STK33: variants seen among roughly 807,000 people sequenced by gnomAD.
STK33 encodes serine/threonine kinase 33.
Under a neutral mutation model 58.0 loss-of-function variants are expected in STK33, and 52 were observed. That is an observed-to-expected ratio of 0.90 (90% confidence interval 0.72 to 1.13). The LOEUF is 1.13. Ranked by LOEUF, STK33 falls within the 50% of genes most tolerant of loss-of-function variation. The pLI, the probability that STK33 is intolerant of heterozygous loss-of-function variation, is 0.00. For synonymous variants in STK33, 215 were observed against 200.1 expected, an observed-to-expected ratio of 1.07 and a Z score of -0.63; for missense variants, 630 against 604.2, an observed-to-expected ratio of 1.04 and a Z score of -0.45.
the STK33 span, among the ~76,000 whole-genome samples, chr11:8,370,914 T>C: frequency 6.6e-6 from 1 of 152,108 alleles, no homozygotes; most frequent in South Asian, 2.1e-4. Context: ...ATGAAGAGGA[T>C]AGTGATGAGT....
At chr11:8,390,195 A>G (rs1848600357), downstream of STK33, among the ~76,000 whole-genome samples, 1 of 151,942 alleles carries the variant, frequency 6.6e-6, no homozygotes, top group South Asian at 2.1e-4. Flanking sequence ...TCTTTTTATC[A>G]TATTTTGCCT....
chr11:8,583,887 G>A (rs1008193204), intron 1 of STK33, among the ~76,000 whole-genome samples: 8 of 152,104 alleles, frequency 5.3e-5, no homozygotes, highest in Non-Finnish European at 2.9e-5. Context: ...AAATTAGTCT[G>A]TAAAACAGAG....
At position 8,449,236 on chromosome 11, in the gene STK33, T is replaced by G. The variant is rs981716664; in HGVS notation, c.871+3586A>C. Among the ~76,000 whole-genome samples the G allele has an allele frequency of 1.5e-3, 235 of 151,636 alleles. 9 individuals are homozygous for G. Among genetic ancestry groups the G allele is most frequent in the African/African-American group, 5.5e-3 (225 of 40,980 alleles). On this transcript the variant is annotated intron_variant, in intron 11 of 15. Transcript: ENST00000687296. ...GGAAGACAGTGTGGCGATTCCTCAG[T>G]GATCTAGAACTAGAAATACCATTTG...
the STK33 span, among the ~76,000 whole-genome samples, chr11:8,371,700 T>G: frequency 6.7e-6 from 1 of 148,978 alleles, no homozygotes; most frequent in Non-Finnish European, 1.5e-5. Flanking sequence ...TCTTTCCCCT[T>G]TCTTCCTTTC....
the STK33 span, among the ~76,000 whole-genome samples, chr11:8,357,079 C>T: frequency 2.0e-5 from 3 of 152,246 alleles, no homozygotes; most frequent in African/African-American, 2.4e-5. Flanking sequence ...TCCCGGCCTG[C>T]CCTCTTCCCT....
At chr11:8,388,681 C>T (rs536935497), downstream of STK33, among the ~76,000 whole-genome samples, 1 of 152,280 alleles carries the variant, frequency 6.6e-6, no homozygotes, top group South Asian at 2.1e-4. Flanking sequence ...CCTGGAAGCC[C>T]CTTCCCTGGT....
chr11:8,517,647 G>T (rs945607885), intron 1 of STK33, among the ~76,000 whole-genome samples: 1 of 152,200 alleles, frequency 6.6e-6, no homozygotes, highest in Non-Finnish European at 1.5e-5. Context: ...GTCCTTAAAT[G>T]ACCTGATGGA....
At chr11:8,405,913 T>C (rs975485239) in intron 15 of STK33, among the ~76,000 whole-genome samples, 3 of 151,874 alleles carry the variant, frequency 2.0e-5, no homozygotes, top group African/African-American at 7.3e-5. Flanking sequence ...GAGGCCGAGG[T>C]GGGCGGATCA....
At chr11:8,447,537 A>C (rs1432405880) in intron 11 of STK33, among the ~76,000 whole-genome samples, 3 of 152,240 alleles carry the variant, frequency 2.0e-5, no homozygotes, top group Non-Finnish European at 4.4e-5. Flanking sequence ...GACAAAAACC[A>C]TATGATTATC....
chr11:8,567,104 C>T (rs967770162), intron 1 of STK33: 2 of 152,088 alleles, frequency 1.3e-5, no homozygotes, highest in African/African-American at 2.4e-5. Flanking sequence ...CGAGCCATTG[C>T]ATTCCAGCCT....
chr11:8,405,095 C>T (rs1030231754), intron 15 of STK33, among the ~76,000 whole-genome samples: 1 of 152,122 alleles, frequency 6.6e-6, no homozygotes, highest in Non-Finnish European at 1.5e-5. Flanking sequence ...GAGATTGCGC[C>T]ATTGCAATCC....
the STK33 span, among the ~76,000 whole-genome samples, chr11:8,382,431 T>A: frequency 6.6e-6 from 1 of 152,232 alleles, no homozygotes; most frequent in Admixed American, 6.5e-5. Flanking sequence ...CAAGGACATG[T>A]GTGAACACTC....
intron 14 of STK33, among the ~76,000 whole-genome samples, chr11:8,418,901 G>C (rs1472272739): frequency 6.6e-6 from 1 of 152,034 alleles, no homozygotes; most frequent in African/African-American, 2.4e-5. Context: ...ATCTTGAAAA[G>C]CGTCATCTGT....
chr11:8,565,779 TA>T (rs1957407513), intron 1 of STK33: 1 of 152,218 alleles, frequency 6.6e-6, no homozygotes, highest in Non-Finnish European at 1.5e-5. Flanking sequence ...CTTGCTTACC[TA>T]GAACCCAAAT....
chr11:8,450,568 T>C (rs1305286634), intron 11 of STK33, among the ~76,000 whole-genome samples: 1 of 151,998 alleles, frequency 6.6e-6, no homozygotes. Flanking sequence ...TAAAAAAAAG[T>C]TCATGATCAT....
At chr11:8,540,463 G>C (rs1955418404) in intron 1 of STK33, among the ~76,000 whole-genome samples, 1 of 151,964 alleles carries the variant, frequency 6.6e-6, no homozygotes, top group Admixed American at 6.6e-5. Context: ...GGGTGACAGA[G>C]CAAGACCCAG....
At chr11:8,419,076 T>A (rs1181455861) in intron 14 of STK33, among the ~76,000 whole-genome samples, 2 of 152,232 alleles carry the variant, frequency 1.3e-5, no homozygotes, top group Non-Finnish European at 2.9e-5. Context: ...ACAGAAGCTC[T>A]TTAGTTTAAT....
chr11:8,366,814 C>G, the STK33 span, among the ~76,000 whole-genome samples: 1 of 152,226 alleles, frequency 6.6e-6, no homozygotes, highest in Admixed American at 6.5e-5. Flanking sequence ...ATTAATTCCC[C>G]ATCTGTGGGT....
the STK33 span, among the ~76,000 whole-genome samples, chr11:8,367,368 C>T: frequency 2.0e-5 from 3 of 152,210 alleles, no homozygotes; most frequent in Admixed American, 2.0e-4. Flanking sequence ...TGTACAAGCC[C>T]ATGCTGACGT....
Sources: gnomAD v4.1 joint callset for allele counts (sites outside exome capture counted in the v4.1 genomes callset) on GRCh38, gnomAD v4.1.1 for gene constraint, MANE v1.5 for transcripts, NCBI Gene and HGNC (gene_info 2026-07-23, HGNC 2026-07-21) for gene names.